CPS1: variants seen among roughly 807,000 people sequenced by gnomAD.
CPS1 encodes carbamoyl-phosphate synthase 1.
A neutral mutation model predicts 174.6 loss-of-function variants in CPS1; 109 were observed. The ratio of observed to expected loss-of-function variants is 0.62; its 90% CI spans 0.53 to 0.73. The LOEUF is 0.73. Ranked by LOEUF, CPS1 falls within the 30% of genes least tolerant of loss-of-function variation. The pLI, the probability that CPS1 is intolerant of heterozygous loss-of-function variation, is 0.00. For missense variants in CPS1, 1,689 were observed against 1,821.9 expected (o/e 0.93, Z 1.33); for synonymous variants, 637 against 632.0 (o/e 1.01, Z -0.12).
chr2:210,541,424 G>T, intron 1 of CPS1, among the ~76,000 whole-genome samples: 1 of 152,284 alleles, frequency 6.6e-6, no homozygotes, highest in African/African-American at 2.4e-5. Flanking sequence ...CTATCTATAA[G>T]TTAAAGCAAT....
chr2:210,653,194 T>C (rs551071449), intron 28 of CPS1, among the ~76,000 whole-genome samples: 2 of 152,136 alleles, frequency 1.3e-5, no homozygotes, highest in East Asian at 3.9e-4. Flanking sequence ...TGGAAGCAAG[T>C]GAATGCAGGG....
At chr2:210,593,563 T>C (rs751604132) in intron 11 of CPS1, 1 of 985,538 alleles carries the variant, frequency 1.0e-6, no homozygotes, top group Non-Finnish European at 1.2e-6. Context: ...TCTTTCCAAA[T>C]AAATTCTTCT....
chr2:210,521,566 T>A (rs1461353895), intron 1 of CPS1, among the ~76,000 whole-genome samples: 1 of 152,010 alleles, frequency 6.6e-6, no homozygotes, highest in Non-Finnish European at 1.5e-5. Flanking sequence ...CATTGCTATG[T>A]GTTTGAGTTC....
chr2:210,612,278 C>A lies in CPS1; in HGVS notation c.2553C>A (p.Ile851=). The stretch of plus-strand genomic sequence containing the variant: ...TGTCTGAACCAAGCAGCACGCGTAT[C>A]TATGCCATTGCCAAGGTAAGATGTT... ...KELSEPSSTR[I]YAIAKAIDDN... is the part of the protein sequence containing the mutation. The change falls in exon 20 of 38, where the codon ATC becomes ATA. Residue 851 remains isoleucine (I), a synonymous_variant. Coordinates refer to ENST00000233072, the MANE Select transcript of CPS1 (RefSeq NM_001875.5). The A allele has an allele frequency of 6.2e-7, 1 of 1,611,954 alleles. No individual in the cohort carries two copies. The highest frequency in any genetic ancestry group is 8.5e-7 in the Non-Finnish European group (1 of 1,178,592).
intron 26 of CPS1, 37 bp downstream of exon 26, chr2:210,648,094 A>T: frequency 3.1e-6 from 5 of 1,600,982 alleles, no homozygotes; most frequent in Non-Finnish European, 4.3e-6. Flanking sequence ...CTAATGTTCT[A>T]TTTTGAAGAG....
At chr2:210,619,867 G>T (rs1699448104) in intron 21 of CPS1, 1 of 151,332 alleles carries the variant, frequency 6.6e-6, no homozygotes, top group Admixed American at 6.6e-5. Context: ...TTCAGAATTT[G>T]AGTCCCAAAT....
intron 25 of CPS1, among the ~76,000 whole-genome samples, chr2:210,643,200 C>G (rs191144587): frequency 5.7e-4 from 87 of 152,280 alleles, no homozygotes; most frequent in African/African-American, 1.9e-3. Context: ...AATTTTGCTT[C>G]CTTTATAGCT....
At chr2:210,562,308 A>G (rs1249021341) in intron 1 of CPS1, among the ~76,000 whole-genome samples, 1 of 152,184 alleles carries the variant, frequency 6.6e-6, no homozygotes, top group Non-Finnish European at 1.5e-5. Context: ...CGATGACTTA[A>G]TATTAACTTG....
At chr2:210,666,072 G>T (rs954990885) in intron 33 of CPS1, among the ~76,000 whole-genome samples, 2 of 151,750 alleles carry the variant, frequency 1.3e-5, no homozygotes, top group Admixed American at 1.3e-4. Flanking sequence ...TTCTCTGATG[G>T]CCAGTGATGA....
intron 1 of CPS1, among the ~76,000 whole-genome samples, chr2:210,561,633 G>A (rs1479024737): frequency 1.3e-5 from 2 of 152,140 alleles, no homozygotes; most frequent in African/African-American, 4.8e-5. Context: ...GGTATGCTAC[G>A]CTGACTGCCC....
At chr2:210,618,015 C>T (rs1699369860) in intron 21 of CPS1, 1 of 151,928 alleles carries the variant, frequency 6.6e-6, no homozygotes. Flanking sequence ...ATTTAAATTT[C>T]CACTTGACAT....
chr2:210,620,331 T>C (rs1699467369), intron 21 of CPS1, among the ~76,000 whole-genome samples: 1 of 152,050 alleles, frequency 6.6e-6, no homozygotes, highest in African/African-American at 2.4e-5. Flanking sequence ...GCCTGTGAGA[T>C]AGTAGAAATT....
rs143913650 is a variant in CPS1, at chr2:210,606,774, C to T, written c.2025C>T (p.Ala675=). 1,786 of 1,612,528 alleles carry T rather than the reference C, an allele frequency of 1.1e-3. No homozygotes were observed. The highest frequency in any genetic ancestry group is 1.4e-3 in the Non-Finnish European group (1,694 of 1,179,060). ...VVAPAQTLSN[A]EFQMLRRTSI... ...CTCCTGCCCAGACACTCTCCAATGC[C>T]GAGTTTCAGATGTTGAGACGTACTT... The change falls in exon 18 of 38, where the codon GCC becomes GCT. Residue 675 remains alanine, a synonymous_variant. Coordinates refer to ENST00000233072, the MANE Select transcript of CPS1 (RefSeq NM_001875.5).
intron 19 of CPS1, 125 bp downstream of exon 19, chr2:210,608,684 T>C (rs1164425460): frequency 1.1e-6 from 1 of 900,508 alleles, no homozygotes; most frequent in African/African-American, 1.6e-5. Flanking sequence ...AAGGTGCAAT[T>C]GACAGTGTTA....
At chr2:210,512,763 T>TATATATATATATATATATGGAGAGAGAG (rs1695535161) in intron 1 of CPS1, among the ~76,000 whole-genome samples, 1 of 111,162 alleles carries the variant, frequency 9.0e-6, no homozygotes, top group African/African-American at 3.9e-5. Flanking sequence ...TATATATATA[T>TATATATATATATATATATGGAGAGAGAG]ATATATATAT....
rs1305147387 is a variant in CPS1 at position 210,668,249 on chromosome 2, A to G, written c.4066A>G (p.Lys1356Glu). Residue 1356 changes from lysine to glutamate, a missense_variant, in exon 34 of 38, where the codon AAG (lysine) becomes GAG (glutamate). Physicochemically the swap from Lys to Glu is moderately conservative, Grantham distance 56. Coordinates refer to ENST00000233072, the MANE Select transcript of CPS1 (RefSeq NM_001875.5). ...FLKAMLSTGFKIPQKGILIGI... is the reference protein window; with the variant it reads ...FLKAMLSTGFEIPQKGILIGI... ...AAAGGCAATGCTTTCCACAGGATTT[A>G]AGATACCCCAGAAAGGCATCCTGAT... The G allele has an allele frequency of 6.2e-7, 1 of 1,613,970 alleles. No individual in the cohort carries two copies. Among genetic ancestry groups the G allele is most frequent in the Admixed American group, 1.7e-5 (1 of 60,000 alleles).
intron 1 of CPS1, among the ~76,000 whole-genome samples, chr2:210,502,846 A>G (rs915573926): frequency 6.6e-6 from 1 of 152,110 alleles, no homozygotes; most frequent in Non-Finnish European, 1.5e-5. Context: ...TCCTCTTTAC[A>G]TTTTAAAATA....
intron 21 of CPS1, among the ~76,000 whole-genome samples, chr2:210,627,883 CT>C (rs1173375429): frequency 5.9e-5 from 9 of 152,268 alleles, no homozygotes; most frequent in Admixed American, 2.0e-4. Context: ...TGGTCTGGTT[CT>C]TTCCCTTCCT....
intron 1 of CPS1, among the ~76,000 whole-genome samples, chr2:210,488,816 T>A (rs987435988): frequency 6.6e-6 from 1 of 152,178 alleles, no homozygotes; most frequent in African/African-American, 2.4e-5. Context: ...ACTTTTTGAT[T>A]TATAATTGTA....
Sources: gnomAD v4.1 joint callset for allele counts (sites outside exome capture counted in the v4.1 genomes callset) on GRCh38, gnomAD v4.1.1 for gene constraint, MANE v1.5 for transcripts, NCBI Gene and HGNC (gene_info 2026-07-23, HGNC 2026-07-21) for gene names.